Variants in MACROD2 observed in about 807,000 individuals in gnomAD.
MACROD2 encodes mono-ADP ribosylhydrolase 2.
Under a neutral mutation model 70.4 loss-of-function variants are expected in MACROD2, and 36 were observed. That is an observed-to-expected ratio of 0.51 (90% CI 0.39 to 0.68). The LOEUF (loss-of-function observed/expected upper bound fraction) is 0.68. MACROD2 is among the 30% of genes least tolerant of loss of function. The pLI is 0.00. For missense variants in MACROD2, 496 were observed against 538.4 expected (o/e 0.92, Z 0.78); for synonymous variants, 172 against 178.8 (o/e 0.96, Z 0.30).
intron 5 of MACROD2, among the ~76,000 whole-genome samples, chr20:14,870,708 GT>G (rs1391570848): frequency 6.6e-6 from 1 of 151,840 alleles, no homozygotes; most frequent in East Asian, 1.9e-4. Context: ...TGATGTTGAG[GT>G]TTTTTTCATA....
chr20:14,275,391 T>G (rs1428475877), intron 3 of MACROD2, among the ~76,000 whole-genome samples: 2 of 152,088 alleles, frequency 1.3e-5, no homozygotes, highest in Non-Finnish European at 2.9e-5. Context: ...AAGGATTCCC[T>G]ATTTAATAAA....
At chr20:15,218,737 G>C (rs892050173) in intron 5 of MACROD2, among the ~76,000 whole-genome samples, 5 of 152,140 alleles carry the variant, frequency 3.3e-5, no homozygotes, top group African/African-American at 1.2e-4. Context: ...AATTACTCCG[G>C]ATTTTGAAGA....
chr20:15,764,456 A>G (rs1304526966), intron 8 of MACROD2, among the ~76,000 whole-genome samples: 1 of 152,024 alleles, frequency 6.6e-6, no homozygotes, highest in Non-Finnish European at 1.5e-5. Flanking sequence ...CTTCCCTTCC[A>G]CCAAACCTGT....
At chr20:15,629,777 T>G (rs1428031841) in intron 8 of MACROD2, among the ~76,000 whole-genome samples, 1 of 152,196 alleles carries the variant, frequency 6.6e-6, no homozygotes, top group East Asian at 1.9e-4. Flanking sequence ...TAAGAGTAAA[T>G]TTGGGCTCAG....
rs898494537 is a variant in MACROD2, at chr20:15,758,700, C to T, written c.646-104045C>T. On this transcript the variant is annotated intron_variant, in intron 8 of 17. Coordinates refer to ENST00000684519, the MANE Select transcript of MACROD2 (RefSeq NM_001351661.2). Reference sequence around the variant, plus strand: ...GACTATAGGCATGCTCCACCACACCCAGCTAGTTTTTTAGTATTTTTTTGT... The same window carrying T: ...GACTATAGGCATGCTCCACCACACCTAGCTAGTTTTTTAGTATTTTTTTGT... 2.0e-5 allele frequency among the ~76,000 whole-genome samples: 3 copies of T among 152,038 alleles called. No homozygotes were observed. The South Asian group carries it at 6.2e-4, about 32-fold the overall frequency.
At chr20:14,761,493 A>G (rs547214318) in intron 5 of MACROD2, among the ~76,000 whole-genome samples, 1 of 152,162 alleles carries the variant, frequency 6.6e-6, no homozygotes, top group South Asian at 2.1e-4. Context: ...TTATACATTT[A>G]TTTCAGTGAG....
chr20:15,082,827 C>T lies in MACROD2; in HGVS notation c.419-147113C>T, dbSNP rs187043677. ...AATTCTCTTTGATAGGGTGGATTTTCTGCAATAGAAATAACATTTTTGTGC... is the reference window on the plus strand; with the variant it reads ...AATTCTCTTTGATAGGGTGGATTTTTTGCAATAGAAATAACATTTTTGTGC... On this transcript the variant is annotated intron_variant, in intron 5 of 17. Transcript: ENST00000684519. Among the ~76,000 whole-genome samples the T allele has an allele frequency of 2.0e-5, 3 of 152,044 alleles. No homozygotes were observed. The East Asian group carries it at 5.8e-4, about 29-fold the overall frequency.
At chr20:15,481,129 G>A (rs2047091372) in intron 7 of MACROD2, among the ~76,000 whole-genome samples, 1 of 152,160 alleles carries the variant, frequency 6.6e-6, no homozygotes, top group Non-Finnish European at 1.5e-5. Flanking sequence ...TTGATACATT[G>A]GAATGCCATA....
intron 3 of MACROD2, among the ~76,000 whole-genome samples, chr20:14,320,453 G>A (rs937589465): frequency 3.3e-5 from 5 of 151,946 alleles, no homozygotes; most frequent in African/African-American, 1.2e-4. Flanking sequence ...GAAGTGCACT[G>A]ATCATTTATA....
chr20:15,490,219 TCCTC>T (rs1425106299), intron 7 of MACROD2, among the ~76,000 whole-genome samples: 2 of 139,726 alleles, frequency 1.4e-5, no homozygotes, highest in Non-Finnish European at 3.1e-5. Context: ...CTTCCTTCCT[TCCTC>T]CCTTCCTTCC....
intron 5 of MACROD2, among the ~76,000 whole-genome samples, chr20:14,725,725 A>G (rs1288425419): frequency 6.6e-6 from 1 of 152,148 alleles, no homozygotes; most frequent in African/African-American, 2.4e-5. Flanking sequence ...GGGAAACAAT[A>G]TAGAATATGC....
At chr20:14,743,885 G>A (rs1044402131) in intron 5 of MACROD2, among the ~76,000 whole-genome samples, 1 of 152,142 alleles carries the variant, frequency 6.6e-6, no homozygotes, top group African/African-American at 2.4e-5. Context: ...CACAGGGGTG[G>A]TCCAAGTCAG....
At chr20:15,684,715 G>C (rs1051489383) in intron 8 of MACROD2, among the ~76,000 whole-genome samples, 2 of 152,052 alleles carry the variant, frequency 1.3e-5, no homozygotes, top group African/African-American at 4.8e-5. Flanking sequence ...GTGGTAAGTG[G>C]GAAAACATAT....
intron 8 of MACROD2, among the ~76,000 whole-genome samples, chr20:15,556,077 G>C (rs2048166065): frequency 6.6e-6 from 1 of 152,080 alleles, no homozygotes; most frequent in South Asian, 2.1e-4. Context: ...AACCATGCTT[G>C]GCTCAGTAAA....
intron 6 of MACROD2, among the ~76,000 whole-genome samples, chr20:15,370,061 G>A (rs1370286348): frequency 6.6e-6 from 1 of 152,034 alleles, no homozygotes; most frequent in Non-Finnish European, 1.5e-5. Flanking sequence ...TATATACCTT[G>A]GAATTTTATA....
At chr20:14,415,564 A>G (rs1365023411) in intron 3 of MACROD2, among the ~76,000 whole-genome samples, 2 of 152,128 alleles carry the variant, frequency 1.3e-5, no homozygotes, top group African/African-American at 4.8e-5. Flanking sequence ...CATTTCCTGG[A>G]CTCAGAAGAG....
chr20:15,355,648 T>C (rs1469052170), intron 6 of MACROD2, among the ~76,000 whole-genome samples: 3 of 152,198 alleles, frequency 2.0e-5, no homozygotes, highest in Non-Finnish European at 4.4e-5. Flanking sequence ...TCTTTAATCA[T>C]GTGGTTGGCC....
chr20:14,007,995 G>T (rs1332748552), intron 2 of MACROD2, among the ~76,000 whole-genome samples: 1 of 151,986 alleles, frequency 6.6e-6, no homozygotes, highest in Non-Finnish European at 1.5e-5. Flanking sequence ...GTCATTTAAA[G>T]AGCCATCTAT....
intron 5 of MACROD2, among the ~76,000 whole-genome samples, chr20:15,068,695 A>C (rs887026697): frequency 7.2e-5 from 11 of 152,142 alleles, no homozygotes; most frequent in African/African-American, 2.7e-4. Flanking sequence ...AGCTGAGTAG[A>C]TATGGGTGTG....
Sources: allele counts gnomAD v4.1 joint callset (sites outside exome capture counted in the v4.1 genomes callset), GRCh38; gene constraint gnomAD v4.1.1; transcripts MANE v1.5; gene names NCBI Gene and HGNC (gene_info 2026-07-23, HGNC 2026-07-21).